RYR2: variants seen among roughly 807,000 people sequenced by gnomAD.
RYR2 encodes ryanodine receptor 2.
In RYR2, 227 loss-of-function variants were observed where a neutral mutation model predicts 601.1. The observed-to-expected ratio is 0.38, with a 90% CI of 0.34 to 0.42. The LOEUF (loss-of-function observed/expected upper bound fraction) is 0.42, where lower values mean the gene tolerates loss of function less well. Among genes scored for constraint, RYR2 ranks in the 10% least tolerant of loss-of-function variants. RYR2 has a pLI of 1.00. For missense variants in RYR2, 4,646 were observed against 6,156.5 expected (o/e 0.75, Z 8.21); for synonymous variants, 2,223 against 2,175.1 (o/e 1.02, Z -0.61).
At chr1:237,065,835 A>C (rs1340332668) in intron 1 of RYR2, among the ~76,000 whole-genome samples, 2 of 152,220 alleles carry the variant, frequency 1.3e-5, no homozygotes, top group Non-Finnish European at 2.9e-5. Context: ...GGAAACTTTC[A>C]ATCATGGTGG....
chr1:237,487,292 C>T (rs150689097), intron 17 of RYR2, among the ~76,000 whole-genome samples: 36 of 152,160 alleles, frequency 2.4e-4, no homozygotes, highest in African/African-American at 6.7e-4. Context: ...TTTAAATATA[C>T]GCATAATATT....
In RYR2 at chr1:237,819,794, G is replaced by A. The variant is rs1662241839; in HGVS notation, c.14590+602G>A. On this transcript the variant is annotated intron_variant, in intron 101 of 104. Transcript: ENST00000366574. The surrounding 1 kb of genome is among the most constrained non-coding windows in gnomAD (Gnocchi z 4.0). ...GATCACGCCACTGCACTCCAGCCTG[G>A]GCAACAAGAGCGAAACTCCATTTCA... Among the ~76,000 whole-genome samples the A allele has an allele frequency of 6.6e-6, 1 of 151,928 alleles. No homozygotes were observed. The highest frequency in any genetic ancestry group is 2.1e-4 in the South Asian group (1 of 4,820).
rs1238809463 is a variant in RYR2, at chr1:237,717,189, G to A, written c.10324-9G>A. The A allele has an allele frequency of 1.2e-6, 2 of 1,612,720 alleles. No individual in the cohort carries two copies. Among genetic ancestry groups the A allele is most frequent in the Non-Finnish European group, 1.7e-6 (2 of 1,179,202 alleles). ...GGTTCAGATCCCAGCACTTCTCTTT[G>A]TTCCATAGGCAGCTGTTTCTGATCA... On this transcript the variant is annotated splice_polypyrimidine_tract_variant and intron_variant, in intron 71 of 104. Transcript: ENST00000366574.
At chr1:237,742,407 CT>C in intron 80 of RYR2, 58 bp downstream of exon 80, 1 of 1,160,530 alleles carries the variant, frequency 8.6e-7, no homozygotes, top group Non-Finnish European at 1.3e-6. Context: ...TGTTTCATAG[CT>C]TATAACTGAC....
intron 3 of RYR2, among the ~76,000 whole-genome samples, chr1:237,348,655 T>C (rs1698503531): frequency 6.6e-6 from 1 of 152,166 alleles, no homozygotes. Flanking sequence ...AGAATTAGCT[T>C]GTATACAAAT....
chr1:237,444,455 T>C (rs1186415907), intron 13 of RYR2, among the ~76,000 whole-genome samples: 1 of 152,190 alleles, frequency 6.6e-6, no homozygotes, highest in African/African-American at 2.4e-5. Flanking sequence ...CTAGATAATT[T>C]ATAGTTCCAG....
At chr1:237,519,676 G>C (rs911972832) in intron 24 of RYR2, among the ~76,000 whole-genome samples, 8 of 152,052 alleles carry the variant, frequency 5.3e-5, no homozygotes, top group Non-Finnish European at 8.8e-5. Context: ...TGCTGTGTTG[G>C]TTACTATAGC....
intron 8 of RYR2, among the ~76,000 whole-genome samples, chr1:237,383,719 G>A (rs1031138667): frequency 1.1e-4 from 17 of 152,112 alleles, no homozygotes; most frequent in East Asian, 1.9e-4. Flanking sequence ...GTGAGCCACC[G>A]CGCCTGGCCC....
chr1:237,146,137 A>G (rs1426447392), intron 1 of RYR2, among the ~76,000 whole-genome samples: 1 of 152,138 alleles, frequency 6.6e-6, no homozygotes, highest in Non-Finnish European at 1.5e-5. Flanking sequence ...AACATAAGTA[A>G]TTGTTGAATT....
Position 237,808,942 on chromosome 1 carries a change from A to G in RYR2, c.14340A>G (p.Leu4780=), listed in dbSNP as rs777129287. 1.2e-6 allele frequency: 2 copies of G among 1,613,290 alleles called. No individual in the cohort carries two copies. Among genetic ancestry groups the G allele is most frequent in the Admixed American group, 3.3e-5 (2 of 60,022 alleles). The change falls in exon 100 of 105, where the codon CTA becomes CTG. Residue 4780 remains leucine (L), a synonymous_variant. Coordinates refer to ENST00000366574, the MANE Select transcript of RYR2 (RefSeq NM_001035.3). Reference sequence around the variant, plus strand: ...GCTTATTAGCTGTTGTTGTATACCTATACACTGTGGTGGCATTCAATTTTT... The same window carrying G: ...GCTTATTAGCTGTTGTTGTATACCTGTACACTGTGGTGGCATTCAATTTTT... ...TVGLLAVVVY[L]YTVVAFNFFR... is the part of the protein sequence containing the mutation.
intron 42 of RYR2, among the ~76,000 whole-genome samples, chr1:237,632,124 G>T (rs1680397415): frequency 6.6e-6 from 1 of 151,748 alleles, no homozygotes; most frequent in African/African-American, 2.4e-5. Flanking sequence ...CTCTTTTAGG[G>T]GATATTTAGA....
chr1:237,795,836 G>GTGTA (rs371932356), intron 96 of RYR2, among the ~76,000 whole-genome samples: 1,575 of 132,602 alleles, frequency 0.012, 30 homozygotes, highest in African/African-American at 0.041. Flanking sequence ...GTGTGTGTGT[G>GTGTA]TATATATATA....
intron 1 of RYR2, among the ~76,000 whole-genome samples, chr1:237,097,608 A>C (rs1667627253): frequency 6.6e-6 from 1 of 152,246 alleles, no homozygotes; most frequent in South Asian, 2.1e-4. Context: ...CAAAATGGAT[A>C]AGATGAAAGC....
chr1:237,797,948 T>C (rs1392859295), intron 96 of RYR2, 89 bp from the exon 97 acceptor site: 2 of 1,186,086 alleles, frequency 1.7e-6, no homozygotes, highest in Admixed American at 2.8e-5. Context: ...ATACAGTAAG[T>C]ATAAAAATAA....
chr1:237,762,774 A>C (rs1319882730), intron 84 of RYR2, among the ~76,000 whole-genome samples: 1 of 152,258 alleles, frequency 6.6e-6, no homozygotes, highest in Non-Finnish European at 1.5e-5. Flanking sequence ...CAAACCGATT[A>C]ACACGTTTTG....
chr1:237,759,569 G>A (rs1573836224), intron 82 of RYR2, among the ~76,000 whole-genome samples: 1 of 152,124 alleles, frequency 6.6e-6, no homozygotes. Flanking sequence ...GATGTGTAAG[G>A]CAACTAACCC....
intron 76 of RYR2, among the ~76,000 whole-genome samples, chr1:237,728,369 A>T (rs1280045943): frequency 6.6e-6 from 1 of 152,114 alleles, no homozygotes; most frequent in Non-Finnish European, 1.5e-5. Flanking sequence ...TTTTGGTCAG[A>T]TAGAATATTA....
chr1:237,382,397 T>C (rs1484664403), intron 8 of RYR2, among the ~76,000 whole-genome samples: 1 of 152,226 alleles, frequency 6.6e-6, no homozygotes, highest in Non-Finnish European at 1.5e-5. Flanking sequence ...TTTATTATAC[T>C]TTAAGTTCTA....
chr1:237,482,241 ATTAAG>A (rs1361387026), intron 17 of RYR2, among the ~76,000 whole-genome samples: 1 of 152,104 alleles, frequency 6.6e-6, no homozygotes, highest in Non-Finnish European at 1.5e-5. Context: ...AAAATGTGCA[ATTAAG>A]TTATTATTGG....
Sources: allele counts gnomAD v4.1 joint callset (sites outside exome capture counted in the v4.1 genomes callset), GRCh38; gene constraint gnomAD v4.1.1; non-coding constraint Gnocchi (gnomAD v3.1); transcripts MANE v1.5; gene names NCBI Gene and HGNC (gene_info 2026-07-23, HGNC 2026-07-21).